Variants in LRRC49 observed in about 807,000 individuals in gnomAD.
The protein encoded by LRRC49 is leucine rich repeat containing 49.
A neutral mutation model predicts 83.3 loss-of-function variants in LRRC49; 50 were observed. The observed-to-expected ratio is 0.60, with a 90% CI of 0.48 to 0.76. The LOEUF (loss-of-function observed/expected upper bound fraction) is 0.76, where lower values mean the gene tolerates loss of function less well. Ranked by LOEUF, LRRC49 falls within the 30% of genes least tolerant of loss-of-function variation. The pLI is 0.00. For missense variants in LRRC49, 704 were observed against 809.1 expected (o/e 0.87, Z 1.58); for synonymous variants, 286 against 283.3 (o/e 1.01, Z -0.10).
intron 14 of LRRC49, among the ~76,000 whole-genome samples, chr15:71,021,320 C>G (rs2038989213): frequency 6.6e-6 from 1 of 152,130 alleles, no homozygotes; most frequent in Non-Finnish European, 1.5e-5. Context: ...TAGTGACTAA[C>G]TTTAGATATT....
intron 1 of LRRC49, chr15:70,854,091 C>G (rs2141063831): frequency 7.7e-7 from 1 of 1,290,372 alleles, no homozygotes; most frequent in South Asian, 2.5e-5. Context: ...TGGGCCATGG[C>G]TCGCGGGACT....
In LRRC49 at chr15:70,984,505, A is replaced by T. The variant is rs2037523761; in HGVS notation, c.1169+248A>T. 7 of 304,062 alleles carry T rather than the reference A, an allele frequency of 2.3e-5. No homozygotes were observed. In the South Asian group the frequency reaches 4.6e-4, roughly 20 times the overall value. 18.8% of individuals were successfully genotyped at this position (304,062 alleles called of 1,614,324 possible). A position where few individuals can be genotyped will look rare whatever the true frequency, so the allele number is the denominator to read the frequency against. On this transcript the variant is annotated intron_variant, in intron 11 of 15. Coordinates refer to ENST00000260382, the MANE Select transcript of LRRC49 (RefSeq NM_017691.5). Reference sequence around the variant, plus strand: ...TCTAGATTTCTTAATATAGTCTATGATGTCTTTTGCCCACTTCATCTCTTT... The same window carrying T: ...TCTAGATTTCTTAATATAGTCTATGTTGTCTTTTGCCCACTTCATCTCTTT...
rs953824207 is a variant in LRRC49 at position 70,871,861 on chromosome 15, C to T, written c.-298-1047C>T. 4.0e-5 allele frequency among the ~76,000 whole-genome samples: 6 copies of T among 151,786 alleles called. 1 individual carries two copies. The highest frequency in any genetic ancestry group is 3.9e-4 in the Admixed American group (6 of 15,254). The stretch of plus-strand genomic sequence containing the variant: ...TGGGCGGCCGGGCAGAGACGCTCCT[C>T]ACTTCCTAGACGGGATGGTGGCCGG... On this transcript the variant is annotated intron_variant, in intron 1 of 16. Transcript: ENST00000544974.
In LRRC49 at chr15:70,961,073, A is replaced by G. The variant is rs373889226; in HGVS notation, c.774-2712A>G. Reference sequence around the variant, plus strand: ...ATCCAAATTTTAAAAAAATCTTAGAATTCCACAGTAAGAGAAGAAAGAATC... The same window carrying G: ...ATCCAAATTTTAAAAAAATCTTAGAGTTCCACAGTAAGAGAAGAAAGAATC... On this transcript the variant is annotated intron_variant, in intron 8 of 15. Transcript: ENST00000260382. Among the ~76,000 whole-genome samples the G allele has an allele frequency of 1.4e-4, 21 of 152,326 alleles. No individual in the cohort carries two copies. The East Asian group carries it at 3.5e-3, about 25-fold the overall frequency.
In LRRC49 at chr15:70,990,190, C is replaced by T. The variant is rs543863366; in HGVS notation, c.1169+5933C>T. Among the ~76,000 whole-genome samples the T allele has an allele frequency of 7.9e-5, 12 of 152,286 alleles. No individual in the cohort carries two copies. In the South Asian group the frequency reaches 1.2e-3, roughly 16 times the overall value. On this transcript the variant is annotated intron_variant, in intron 11 of 15. Transcript: ENST00000260382. ...TGTCAGATAGGGACATTTAAGTCTG[C>T]GGAGGTTACTGCTGTCTTTTTGTTT...
chr15:70,917,549 C>G (rs1300497289), intron 6 of LRRC49, among the ~76,000 whole-genome samples: 1 of 152,168 alleles, frequency 6.6e-6, no homozygotes, highest in African/African-American at 2.4e-5. Flanking sequence ...TCTAGGGCTT[C>G]CTCTCTGCTG....
At chr15:71,005,569 G>T (rs1596129576) in intron 11 of LRRC49, among the ~76,000 whole-genome samples, 2 of 152,258 alleles carry the variant, frequency 1.3e-5, no homozygotes, top group Middle Eastern at 6.8e-3. Context: ...TAGGTTGATT[G>T]CAGAGGAGGA....
At chr15:70,915,367 T>C in intron 6 of LRRC49, among the ~76,000 whole-genome samples, 1 of 152,192 alleles carries the variant, frequency 6.6e-6, no homozygotes. Context: ...GGTAGTTTTC[T>C]AAAAGAAATG....
rs1006621862 is a variant in LRRC49 at position 70,855,493 on chromosome 15, T to G, written c.-299+2024T>G. Among the ~76,000 whole-genome samples the G allele has an allele frequency of 1.1e-4, 16 of 152,324 alleles. 1 individual carries two copies. The highest frequency in any genetic ancestry group is 2.1e-4 in the South Asian group (1 of 4,824). The stretch of plus-strand genomic sequence containing the variant: ...CTGGGACCCCAAAACAACAGAACCC[T>G]GGACCAATACATTTGTTTTGATATA... On this transcript the variant is annotated intron_variant, in intron 1 of 16. Coordinates refer to the LRRC49 transcript ENST00000544974.
intron 7 of LRRC49, among the ~76,000 whole-genome samples, chr15:70,927,762 C>T (rs1231393589): frequency 6.6e-6 from 1 of 152,182 alleles, no homozygotes; most frequent in Non-Finnish European, 1.5e-5. Flanking sequence ...ATCCTCCCAC[C>T]TCAGCCTTCC....
intron 15 of LRRC49, among the ~76,000 whole-genome samples, chr15:71,048,043 T>C (rs948588650): frequency 2.0e-5 from 3 of 151,674 alleles, no homozygotes; most frequent in African/African-American, 7.3e-5. Flanking sequence ...CCCAAAGTGC[T>C]GGGATTACAG....
At chr15:70,876,408 G>A (rs2033152349) in intron 2 of LRRC49, among the ~76,000 whole-genome samples, 1 of 152,058 alleles carries the variant, frequency 6.6e-6, no homozygotes, top group South Asian at 2.1e-4. Flanking sequence ...TAGTGGGGGA[G>A]ATTAGTAAAC....
At chr15:70,966,973 C>A (rs937448613) in intron 9 of LRRC49, among the ~76,000 whole-genome samples, 2 of 152,076 alleles carry the variant, frequency 1.3e-5, no homozygotes, top group Admixed American at 6.6e-5. Context: ...AACACACTTA[C>A]ACCCAGGGCA....
At chr15:71,040,776 C>T (rs1244062741) in intron 15 of LRRC49, among the ~76,000 whole-genome samples, 6 of 144,472 alleles carry the variant, frequency 4.2e-5, no homozygotes, top group South Asian at 2.2e-4. Context: ...GCCGAGATTG[C>T]GCCACTGTAC....
chr15:71,028,284 A>C (rs1466228310), intron 14 of LRRC49, among the ~76,000 whole-genome samples: 4 of 152,208 alleles, frequency 2.6e-5, no homozygotes, highest in Non-Finnish European at 5.9e-5. Context: ...CTTGTATCCC[A>C]GGGATAAAGC....
At chr15:70,987,431 T>G (rs1156537546) in intron 11 of LRRC49, among the ~76,000 whole-genome samples, 1 of 152,248 alleles carries the variant, frequency 6.6e-6, no homozygotes, top group Non-Finnish European at 1.5e-5. Flanking sequence ...ATAGAGGTGT[T>G]TGTAGTATTC....
chr15:70,933,447 G>C (rs944582563), intron 7 of LRRC49, among the ~76,000 whole-genome samples: 14 of 152,020 alleles, frequency 9.2e-5, no homozygotes, highest in African/African-American at 3.4e-4. Context: ...GGATATGTTA[G>C]GGGTATTTAA....
At chr15:70,927,937 C>A (rs1031442942) in intron 7 of LRRC49, among the ~76,000 whole-genome samples, 7 of 152,174 alleles carry the variant, frequency 4.6e-5, no homozygotes, top group African/African-American at 1.7e-4. Context: ...GCATGAGCCA[C>A]CATGCCCAGC....
chr15:71,031,081 A>G lies in LRRC49; in HGVS notation c.1704-6098A>G, dbSNP rs144602103. On this transcript the variant is annotated intron_variant, in intron 14 of 15. Transcript: ENST00000260382. Reference sequence around the variant, plus strand: ...AGTTGCAATCATTTGGAGAAGGGGCATTCTGGTTTTGGGAATTTTCAGCAT... The same window carrying G: ...AGTTGCAATCATTTGGAGAAGGGGCGTTCTGGTTTTGGGAATTTTCAGCAT... Among the ~76,000 whole-genome samples, 743 of 152,142 alleles carry G rather than the reference A, an allele frequency of 4.9e-3. 11 individuals carry two copies. The highest frequency in any genetic ancestry group is 0.017 in the African/African-American group (724 of 41,512).
Sources: allele counts gnomAD v4.1 joint callset (sites outside exome capture counted in the v4.1 genomes callset), GRCh38; gene constraint gnomAD v4.1.1; transcripts MANE v1.5; gene names NCBI Gene and HGNC (gene_info 2026-07-23, HGNC 2026-07-21).